MANBA: variants seen among roughly 807,000 people sequenced by gnomAD.
The protein encoded by MANBA is mannosidase beta, also known as beta-mannosidase.
Under a neutral mutation model 111.1 loss-of-function variants are expected in MANBA, and 83 were observed. The ratio of observed to expected loss-of-function variants is 0.75; its 90% CI spans 0.63 to 0.90. The LOEUF (loss-of-function observed/expected upper bound fraction) is 0.90. Among genes scored for constraint, MANBA ranks in the 40% least tolerant of loss-of-function variants. The probability of loss-of-function intolerance (pLI) is 0.00; values close to 1 mark genes in which losing one functional copy is unlikely to be tolerated. For missense variants in MANBA, 1,036 were observed against 1,069.0 expected (o/e 0.97, Z 0.43); for synonymous variants, 370 against 378.7 (o/e 0.98, Z 0.27).
chr4:102,639,157 TC>T (rs1729758014), intron 14 of MANBA, among the ~76,000 whole-genome samples: 1 of 152,220 alleles, frequency 6.6e-6, no homozygotes, highest in Non-Finnish European at 1.5e-5. Context: ...TGGTCACCTT[TC>T]CCATTCGGGA....
chr4:102,721,135 C>T (rs1327757003), intron 4 of MANBA, among the ~76,000 whole-genome samples: 1 of 152,106 alleles, frequency 6.6e-6, no homozygotes, highest in Non-Finnish European at 1.5e-5. Flanking sequence ...AGCAGCCTGG[C>T]CAACATGGCG....
At chr4:102,739,300 A>G (rs1723321799) in intron 1 of MANBA, among the ~76,000 whole-genome samples, 1 of 152,196 alleles carries the variant, frequency 6.6e-6, no homozygotes. Flanking sequence ...GTGGTGTTGA[A>G]AGAGTAATTT....
At chr4:102,727,822 C>T (rs924796877) in intron 1 of MANBA, 28 of 627,170 alleles carry the variant, frequency 4.5e-5, no homozygotes, top group Non-Finnish European at 5.8e-5. Flanking sequence ...GAAATACTTC[C>T]GGAAAAGGAT....
chr4:102,721,459 T>C (rs143735694), intron 4 of MANBA, among the ~76,000 whole-genome samples: 1 of 152,348 alleles, frequency 6.6e-6, no homozygotes, highest in African/African-American at 2.4e-5. Context: ...CATGTAAAGA[T>C]ATTTGTACAC....
chr4:102,705,051 A>G (rs763630320), intron 5 of MANBA, among the ~76,000 whole-genome samples: 3 of 152,222 alleles, frequency 2.0e-5, no homozygotes, highest in Non-Finnish European at 4.4e-5. Flanking sequence ...ACCTATCAAA[A>G]AACACTGAAA....
intron 10 of MANBA, 173 bp from the exon 11 acceptor site, chr4:102,665,025 T>A: frequency 1.7e-6 from 1 of 596,812 alleles, no homozygotes; most frequent in Non-Finnish European, 3.0e-6. Flanking sequence ...TTTTAAGAAA[T>A]CTCTGAGATT....
At chr4:102,708,804 A>G (rs1011574496) in intron 5 of MANBA, among the ~76,000 whole-genome samples, 1 of 151,886 alleles carries the variant, frequency 6.6e-6, no homozygotes, top group Non-Finnish European at 1.5e-5. Context: ...TGTACTTTAG[A>G]CCAAATGAAC....
chr4:102,645,032 T>C (rs771205138), intron 13 of MANBA, among the ~76,000 whole-genome samples: 25 of 152,102 alleles, frequency 1.6e-4, no homozygotes, highest in Non-Finnish European at 2.9e-4. Context: ...ACTGTCCTGA[T>C]TACTACAGCT....
intron 13 of MANBA, 67 bp downstream of exon 13, chr4:102,650,470 C>T (rs1177251891): frequency 2.7e-6 from 4 of 1,502,260 alleles, no homozygotes; most frequent in South Asian, 2.3e-5. Context: ...ATATGGCCTA[C>T]AAAATCTACA....
intron 1 of MANBA, chr4:102,734,411 G>A (rs1723135108): frequency 1.2e-6 from 2 of 1,610,120 alleles, no homozygotes; most frequent in East Asian, 4.5e-5. Flanking sequence ...CCACTTTCCT[G>A]GAGAACCTGC....
chr4:102,657,785 T>C lies in MANBA; in HGVS notation c.1601A>G (p.Tyr534Cys). 1 of 1,613,750 alleles carries C rather than the reference T, an allele frequency of 6.2e-7. No homozygotes were observed. The highest frequency in any genetic ancestry group is 8.5e-7 in the Non-Finnish European group (1 of 1,179,670). ...NSNYFGDVHF[Y>C]DYISDCWNWK... ...GTTCCAGCAATCACTGATATAGTCA[T>C]AAAAATGTACATCACCAAAATAATT... is the stretch of plus-strand genomic sequence containing the variant. Residue 534 changes from tyrosine to cysteine, a missense_variant, in exon 12 of 17, where the codon TAT becomes TGT. Transcript: ENST00000647097.
chr4:102,732,961 C>T (rs181327863), intron 1 of MANBA, among the ~76,000 whole-genome samples: 126 of 152,304 alleles, frequency 8.3e-4, no homozygotes, highest in African/African-American at 2.6e-3. Flanking sequence ...ATCTGGTTGA[C>T]GGGGCACAAG....
intron 1 of MANBA, among the ~76,000 whole-genome samples, chr4:102,760,148 G>T (rs1724185995): frequency 6.6e-6 from 1 of 151,932 alleles, no homozygotes; most frequent in Non-Finnish European, 1.5e-5. Flanking sequence ...TCATCACCAA[G>T]TTAGCCTTAA....
In MANBA at chr4:102,714,618, T is replaced by C; in HGVS notation, c.550-57A>G. On this transcript the variant is annotated intron_variant, in intron 4 of 16. Transcript: ENST00000647097. ...TCTGATTATGGTGAAATTTAAACAT[T>C]ATGAAAAACATTTTCTTTAAAAATG... The C allele has an allele frequency of 2.0e-6, 3 of 1,526,148 alleles. No homozygotes were observed. In the East Asian group the frequency reaches 6.8e-5, roughly 35 times the overall value. The allele number at this position is 1,526,148 out of a possible 1,614,324, so 94.5% of individuals were successfully genotyped here. A position where few individuals can be genotyped will look rare whatever the true frequency, so the allele number is the denominator to read the frequency against.
intron 13 of MANBA, among the ~76,000 whole-genome samples, chr4:102,644,914 T>C (rs1357684216): frequency 6.6e-6 from 1 of 151,930 alleles, no homozygotes; most frequent in East Asian, 1.9e-4. Flanking sequence ...GAAATATTAA[T>C]TTTTTTAAAA....
At chr4:102,760,646 C>T (rs939281523) in intron 1 of MANBA, 72 bp downstream of exon 1, 3 of 1,431,306 alleles carry the variant, frequency 2.1e-6, no homozygotes, top group Non-Finnish European at 2.8e-6. Context: ...GGCTGCCAGG[C>T]GGTTCCTGGG....
In MANBA at chr4:102,674,006, T is replaced by C. The variant is rs771658981; in HGVS notation, c.1025A>G (p.Tyr342Cys). 19 of 1,607,014 alleles carry C rather than the reference T, an allele frequency of 1.2e-5. No individual in the cohort carries two copies. In the African/African-American group the frequency reaches 2.0e-4, roughly 17 times the overall value. ...TATGGGAAATCCATTAATTTTGAAA[T>C]AGAAACTCAAACCAGGAGACCCTTT... ...PIKGSPGLSF[Y>C]FKINGFPIFL... is the part of the protein sequence containing the mutation. Residue 342 changes from tyrosine (Y) to cysteine (C), a missense_variant, in exon 8 of 17, where the codon TAT (tyrosine) becomes TGT (cysteine). Transcript: ENST00000647097.
chr4:102,688,824 AG>A (rs1560774700), intron 7 of MANBA, among the ~76,000 whole-genome samples: 1 of 152,220 alleles, frequency 6.6e-6, no homozygotes, highest in African/African-American at 2.4e-5. Flanking sequence ...CACCTTATTC[AG>A]AAAAATGAAG....
intron 11 of MANBA, among the ~76,000 whole-genome samples, chr4:102,663,461 G>C (rs187605715): frequency 2.1e-3 from 318 of 152,212 alleles, no homozygotes; most frequent in African/African-American, 7.1e-3. Flanking sequence ...TGAATAAAAA[G>C]ATTATAAAAT....
Sources: allele counts gnomAD v4.1 joint callset (sites outside exome capture counted in the v4.1 genomes callset), GRCh38; gene constraint gnomAD v4.1.1; transcripts MANE v1.5; gene names NCBI Gene and HGNC (gene_info 2026-07-23, HGNC 2026-07-21).